The following PDE7B variants were observed in gnomAD, a reference collection of about 807,000 sequenced individuals.
The protein encoded by PDE7B is 3',5'-cyclic-AMP phosphodiesterase 7B.
In PDE7B, 29 loss-of-function variants were observed where a neutral mutation model predicts 56.2. The observed-to-expected ratio is 0.52, with a 90% confidence interval of 0.38 to 0.70. The LOEUF is 0.70. Among genes scored for constraint, PDE7B ranks in the 30% least tolerant of loss-of-function variants. The pLI, the probability that PDE7B is intolerant of heterozygous loss-of-function variation, is 0.00. For synonymous variants in PDE7B, 197 were observed against 196.9 expected, an observed-to-expected ratio of 1.00 and a Z score of 0.00; for missense variants, 490 against 565.0, an observed-to-expected ratio of 0.87 and a Z score of 1.35.
intron 2 of PDE7B, among the ~76,000 whole-genome samples, chr6:136,021,804 C>G (rs1776076896): frequency 6.6e-6 from 1 of 152,134 alleles, no homozygotes. Context: ...ACAGAGCTAC[C>G]AGTGTGGTCT....
At chr6:136,096,217 T>A (rs1396887605) in intron 2 of PDE7B, 1 of 152,182 alleles carries the variant, frequency 6.6e-6, no homozygotes, top group Non-Finnish European at 1.5e-5. Flanking sequence ...GAACAGACTA[T>A]CTCCTGGGAC....
At chr6:136,033,773 TCTTCTA>T (rs1776282030) in intron 2 of PDE7B, among the ~76,000 whole-genome samples, 1 of 152,214 alleles carries the variant, frequency 6.6e-6, no homozygotes, top group African/African-American at 2.4e-5. Flanking sequence ...TGTTTGCAGT[TCTTCTA>T]CTTGGACTGT....
intron 2 of PDE7B, among the ~76,000 whole-genome samples, chr6:136,093,657 C>T (rs1355001223): frequency 6.6e-6 from 1 of 152,118 alleles, no homozygotes; most frequent in Non-Finnish European, 1.5e-5. Flanking sequence ...AGAGTGTCTA[C>T]ACCACTGAGT....
At chr6:136,160,648 C>T (rs1222089455) in intron 8 of PDE7B, among the ~76,000 whole-genome samples, 4 of 152,160 alleles carry the variant, frequency 2.6e-5, no homozygotes, top group Admixed American at 6.5e-5. Flanking sequence ...CTGACCACAT[C>T]GATTCCTGCT....
intron 2 of PDE7B, among the ~76,000 whole-genome samples, chr6:136,063,981 G>A (rs1268782541): frequency 6.7e-6 from 1 of 149,300 alleles, no homozygotes; most frequent in Non-Finnish European, 1.5e-5. Context: ...TCTCATTAAA[G>A]TTTTTTTTTT....
At chr6:136,111,581 T>C (rs745328387) in intron 3 of PDE7B, among the ~76,000 whole-genome samples, 4 of 152,242 alleles carry the variant, frequency 2.6e-5, no homozygotes, top group Non-Finnish European at 4.4e-5. Context: ...ATCTGTGTTA[T>C]GCACAGTCAC....
chr6:136,053,902 C>T (rs774406814), intron 2 of PDE7B, among the ~76,000 whole-genome samples: 7 of 151,538 alleles, frequency 4.6e-5, no homozygotes, highest in East Asian at 3.9e-4. Context: ...TTTTTGATGG[C>T]GTTGTTTTTT....
intron 1 of PDE7B, among the ~76,000 whole-genome samples, chr6:135,861,303 G>A (rs139097527): frequency 1.3e-5 from 2 of 151,680 alleles, no homozygotes; most frequent in African/African-American, 4.8e-5. Flanking sequence ...ATTCAAAATT[G>A]CTCAAAGTGG....
chr6:135,920,033 A>T (rs906174716), intron 1 of PDE7B, among the ~76,000 whole-genome samples: 5 of 152,162 alleles, frequency 3.3e-5, no homozygotes, highest in African/African-American at 1.2e-4. Context: ...TCCTGACCCT[A>T]AAAGGTTATA....
At chr6:136,087,655 T>C (rs755487862) in intron 2 of PDE7B, among the ~76,000 whole-genome samples, 1 of 152,224 alleles carries the variant, frequency 6.6e-6, no homozygotes, top group Non-Finnish European at 1.5e-5. Context: ...CTTTTCAGTA[T>C]GCTAAGGCAT....
At chr6:136,076,463 ACT>A (rs1282464095) in intron 2 of PDE7B, among the ~76,000 whole-genome samples, 2 of 152,104 alleles carry the variant, frequency 1.3e-5, no homozygotes, top group African/African-American at 4.8e-5. Context: ...ACAGAGCAAA[ACT>A]CTGTCTCAAA....
At chr6:136,081,120 C>T (rs903721063) in intron 2 of PDE7B, among the ~76,000 whole-genome samples, 1 of 152,000 alleles carries the variant, frequency 6.6e-6, no homozygotes, top group African/African-American at 2.4e-5. Flanking sequence ...TTTATTTCAC[C>T]CTGAAGGTGA....
At chr6:135,999,133 C>T (rs1775622730) in intron 2 of PDE7B, among the ~76,000 whole-genome samples, 1 of 152,152 alleles carries the variant, frequency 6.6e-6, no homozygotes, top group Admixed American at 6.5e-5. Flanking sequence ...GTCTGTGGTT[C>T]AGTCTAGTTT....
intron 2 of PDE7B, among the ~76,000 whole-genome samples, chr6:136,108,416 T>C (rs1371287069): frequency 6.6e-6 from 1 of 152,194 alleles, no homozygotes; most frequent in Non-Finnish European, 1.5e-5. Flanking sequence ...TCTTTCTGGA[T>C]TCAGAGTCTT....
intron 2 of PDE7B, among the ~76,000 whole-genome samples, chr6:136,107,916 C>A (rs1394144146): frequency 2.0e-5 from 3 of 152,016 alleles, no homozygotes; most frequent in Non-Finnish European, 2.9e-5. Context: ...ATCACAAGGT[C>A]AAAAGATCAA....
chr6:135,976,039 G>A (rs999199091), intron 2 of PDE7B, among the ~76,000 whole-genome samples: 17 of 152,202 alleles, frequency 1.1e-4, no homozygotes, highest in Middle Eastern at 3.4e-3. Flanking sequence ...AAATGGTGGC[G>A]TTCCAGTATC....
chr6:136,170,543 A>T (rs1778862023), intron 8 of PDE7B, among the ~76,000 whole-genome samples: 1 of 152,162 alleles, frequency 6.6e-6, no homozygotes, highest in African/African-American at 2.4e-5. Context: ...TACACATGAA[A>T]TTATACAGTG....
Position 136,068,008 on chromosome 6 carries a change from T to C in PDE7B, c.83-40723T>C, listed in dbSNP as rs118141925. Among the ~76,000 whole-genome samples, 68 of 152,340 alleles carry C rather than the reference T, an allele frequency of 4.5e-4. No homozygotes were observed. The East Asian group carries it at 6.2e-3, about 14-fold the overall frequency. ...ATGAAATGCCACCTGAAAGGAATGTTTGTGATTCATGTTTTAATCCCCCAA... is the reference window on the plus strand; with the variant it reads ...ATGAAATGCCACCTGAAAGGAATGTCTGTGATTCATGTTTTAATCCCCCAA... On this transcript the variant is annotated intron_variant, in intron 2 of 12. Transcript: ENST00000308191.
intron 2 of PDE7B, among the ~76,000 whole-genome samples, chr6:135,971,929 A>G (rs1775100436): frequency 1.3e-5 from 2 of 152,206 alleles, no homozygotes; most frequent in South Asian, 4.1e-4. Context: ...AATAATGTGC[A>G]TAACGCTATA....
Sources: allele counts gnomAD v4.1 joint callset (sites outside exome capture counted in the v4.1 genomes callset), GRCh38; gene constraint gnomAD v4.1.1; transcripts MANE v1.5; gene names NCBI Gene and HGNC (gene_info 2026-07-23, HGNC 2026-07-21).